PRKAR2B: variants seen among roughly 807,000 people sequenced by gnomAD.
PRKAR2B encodes cAMP-dependent protein kinase type II-beta regulatory subunit.
PRKAR2B carries 14 observed loss-of-function variants against 49.9 expected under a neutral mutation model. The observed-to-expected ratio is 0.28, with a 90% CI of 0.19 to 0.44. PRKAR2B has a LOEUF of 0.44. Among genes scored for constraint, PRKAR2B ranks in the 20% least tolerant of loss-of-function variants. The pLI is 1.00. For missense variants in PRKAR2B, 393 were observed against 537.9 expected (o/e 0.73, Z 2.67); for synonymous variants, 196 against 197.7 (o/e 0.99, Z 0.07).
chr7:107,153,296 A>G, intron 8 of PRKAR2B, 45 bp downstream of exon 8: 1 of 1,431,054 alleles, frequency 7.0e-7, no homozygotes, highest in African/African-American at 1.4e-5. Flanking sequence ...TATATTCCAA[A>G]AGGTTCCTGT....
At chr7:107,059,315 T>C (rs1311341877) in intron 1 of PRKAR2B, among the ~76,000 whole-genome samples, 2 of 151,882 alleles carry the variant, frequency 1.3e-5, no homozygotes, top group South Asian at 2.1e-4. Context: ...ATATACCACA[T>C]GTGCAGTAGG....
intron 2 of PRKAR2B, among the ~76,000 whole-genome samples, chr7:107,094,621 T>A (rs1376705224): frequency 6.6e-6 from 1 of 152,234 alleles, no homozygotes; most frequent in Non-Finnish European, 1.5e-5. Flanking sequence ...GGTTTTCTTC[T>A]AGGTTTTTTA....
intron 2 of PRKAR2B, among the ~76,000 whole-genome samples, chr7:107,102,046 C>T (rs1054482680): frequency 6.6e-6 from 1 of 151,790 alleles, no homozygotes; most frequent in South Asian, 2.1e-4. Context: ...GATCAGAACA[C>T]GATACAAAAA....
intron 3 of PRKAR2B, among the ~76,000 whole-genome samples, chr7:107,122,467 G>A (rs1369097843): frequency 6.6e-6 from 1 of 152,156 alleles, no homozygotes; most frequent in Non-Finnish European, 1.5e-5. Flanking sequence ...CTGACTTCTT[G>A]CAGGCCCTAA....
chr7:107,113,096 A>G lies in PRKAR2B; in HGVS notation c.344-8856A>G, dbSNP rs570284225. ...AGGATTCCGTAATATTTCTGTTCCT[A>G]TAATTCTCTGATACGTGTATGCTAG... On this transcript the variant is annotated intron_variant, in intron 2 of 10. Coordinates refer to ENST00000265717, the MANE Select transcript of PRKAR2B (RefSeq NM_002736.3). Among the ~76,000 whole-genome samples the G allele has an allele frequency of 1.7e-3, 255 of 152,326 alleles. 1 individual carries two copies. The highest frequency in any genetic ancestry group is 2.4e-3 in the Non-Finnish European group (160 of 68,022).
intron 4 of PRKAR2B, among the ~76,000 whole-genome samples, chr7:107,136,499 A>T (rs1444691681): frequency 6.6e-6 from 1 of 152,184 alleles, no homozygotes; most frequent in East Asian, 1.9e-4. Flanking sequence ...TGGACCAAAG[A>T]TGTTAACAGA....
At chr7:107,060,036 GT>G (rs1156524860) in intron 1 of PRKAR2B, among the ~76,000 whole-genome samples, 1 of 131,110 alleles carries the variant, frequency 7.6e-6, no homozygotes, top group African/African-American at 3.1e-5. Context: ...ATTTTACTAA[GT>G]TTTGTTTGTT....
Position 107,151,039 on chromosome 7 carries a change from T to G in PRKAR2B, c.843+16T>G. The G allele has an allele frequency of 7.1e-7, 1 of 1,401,076 alleles. No homozygotes were observed. The highest frequency in any genetic ancestry group is 2.6e-5 in the East Asian group (1 of 38,734). 86.8% of individuals were successfully genotyped at this position (1,401,076 alleles called of 1,614,324 possible). A position where few individuals can be genotyped will look rare whatever the true frequency, so the allele number is the denominator to read the frequency against. On this transcript the variant is annotated intron_variant, in intron 7 of 10. Coordinates refer to ENST00000265717, the MANE Select transcript of PRKAR2B (RefSeq NM_002736.3). ...ATCTTTGGAGGTAAGTATATGTTTA[T>G]GCTTTTATTTTATTTTGCTTTAAAA...
intron 3 of PRKAR2B, among the ~76,000 whole-genome samples, chr7:107,127,582 G>A (rs1208360565): frequency 6.6e-6 from 1 of 152,200 alleles, no homozygotes; most frequent in Non-Finnish European, 1.5e-5. Context: ...AGCCTCCTTG[G>A]ACTCTTTTTC....
chr7:107,092,418 T>G (rs942969454), intron 2 of PRKAR2B, among the ~76,000 whole-genome samples: 1 of 152,044 alleles, frequency 6.6e-6, no homozygotes, highest in African/African-American at 2.4e-5. Flanking sequence ...AGGAAGCAGC[T>G]GAAAGGAGAT....
intron 5 of PRKAR2B, among the ~76,000 whole-genome samples, chr7:107,144,561 A>G (rs922904521): frequency 2.0e-5 from 3 of 152,000 alleles, no homozygotes; most frequent in African/African-American, 7.3e-5. Context: ...CCTGGGCCCA[A>G]GCGATCCTCT....
At chr7:107,059,435 A>G (rs1174034235) in intron 1 of PRKAR2B, among the ~76,000 whole-genome samples, 1 of 152,064 alleles carries the variant, frequency 6.6e-6, no homozygotes, top group Non-Finnish European at 1.5e-5. Flanking sequence ...GTGGTTTTGT[A>G]GTATTACTAC....
chr7:107,158,194 T>C (rs1796131316), intron 10 of PRKAR2B, among the ~76,000 whole-genome samples: 1 of 111,388 alleles, frequency 9.0e-6, no homozygotes, highest in Non-Finnish European at 2.2e-5. Context: ...GAAAGTCTAT[T>C]AGAAATAGTA....
chr7:107,085,178 G>T (rs968073674), intron 2 of PRKAR2B, among the ~76,000 whole-genome samples: 2 of 152,148 alleles, frequency 1.3e-5, no homozygotes, highest in Non-Finnish European at 2.9e-5. Flanking sequence ...GCTCTGTGAT[G>T]ATTTGGAAGA....
At chr7:107,053,603 T>C (rs1584401375) in intron 1 of PRKAR2B, among the ~76,000 whole-genome samples, 1 of 151,440 alleles carries the variant, frequency 6.6e-6, no homozygotes, top group African/African-American at 2.4e-5. Flanking sequence ...GTAAGTTAAT[T>C]GACTCAACAG....
At chr7:107,073,063 A>G (rs2116776416) in intron 2 of PRKAR2B, among the ~76,000 whole-genome samples, 1 of 152,330 alleles carries the variant, frequency 6.6e-6, no homozygotes, top group South Asian at 2.1e-4. Flanking sequence ...AAAAGAAAAA[A>G]TTACTATGAA....
intron 6 of PRKAR2B, among the ~76,000 whole-genome samples, 169 bp downstream of exon 6, chr7:107,146,630 A>G (rs1243755429): frequency 6.6e-6 from 1 of 152,222 alleles, no homozygotes; most frequent in Non-Finnish European, 1.5e-5. Context: ...TCACTAAGTC[A>G]GATCCTGATG....
intron 4 of PRKAR2B, among the ~76,000 whole-genome samples, chr7:107,139,293 G>A (rs998845879): frequency 6.6e-6 from 1 of 152,208 alleles, no homozygotes; most frequent in South Asian, 2.1e-4. Flanking sequence ...GGAGCCAGCT[G>A]TTACATTGGG....
At chr7:107,071,534 C>A (rs764005013) in intron 2 of PRKAR2B, among the ~76,000 whole-genome samples, 10 of 152,104 alleles carry the variant, frequency 6.6e-5, no homozygotes, top group African/African-American at 9.7e-5. Flanking sequence ...CGAATTTTAT[C>A]CCAAAGAACT....
Sources: gnomAD v4.1 joint callset for allele counts (sites outside exome capture counted in the v4.1 genomes callset) on GRCh38, gnomAD v4.1.1 for gene constraint, MANE v1.5 for transcripts, NCBI Gene and HGNC (gene_info 2026-07-23, HGNC 2026-07-21) for gene names.